The following FSIP2 variants were observed in gnomAD, a reference collection of about 807,000 sequenced individuals.
The protein encoded by FSIP2 is fibrous sheath interacting protein 2.
Under a neutral mutation model 510.5 loss-of-function variants are expected in FSIP2, and 367 were observed. The ratio of observed to expected loss-of-function variants is 0.72; its 90% confidence interval spans 0.66 to 0.78. FSIP2 has a LOEUF of 0.78. Among genes scored for constraint, FSIP2 ranks in the 30% least tolerant of loss-of-function variants. The probability of loss-of-function intolerance (pLI) is 0.00; values close to 1 mark genes in which losing one functional copy is unlikely to be tolerated. For missense variants in FSIP2, 7,594 were observed against 7,901.7 expected (o/e 0.96, Z 1.48); for synonymous variants, 2,601 against 2,732.2 (o/e 0.95, Z 1.50).
chr2:185,755,922 G>C (rs1692237540), intron 8 of FSIP2, among the ~76,000 whole-genome samples: 1 of 151,516 alleles, frequency 6.6e-6, no homozygotes, highest in Non-Finnish European at 1.5e-5. Flanking sequence ...AAAATGACAT[G>C]TTTCAGTTGA....
rs558134465 is a variant in FSIP2 at position 185,826,332 on chromosome 2, G to A, written c.20474-1824G>A. On this transcript the variant is annotated intron_variant, in intron 20 of 22. Transcript: ENST00000424728. ...CCTAACATCCTACTTCCTCTCTAAG[G>A]TACTCCTCTATTTCTTTCTGGCTCA... is the stretch of plus-strand genomic sequence containing the variant. Among the ~76,000 whole-genome samples the A allele has an allele frequency of 1.3e-4, 19 of 151,768 alleles. No individual in the cohort carries two copies. The South Asian group carries it at 2.5e-3, about 20-fold the overall frequency.
chr2:185,808,799 A>G lies in FSIP2; in HGVS notation c.19493A>G (p.Asn6498Ser), dbSNP rs749914487. 42 of 1,612,760 alleles carry G rather than the reference A, an allele frequency of 2.6e-5. No individual in the cohort carries two copies. The South Asian group carries it at 4.2e-4, about 16-fold the overall frequency. Reference protein sequence around the residue: ...IVQKAQEHAFNVIPELEQEKL... With the variant: ...IVQKAQEHAFSVIPELEQEKL... The stretch of plus-strand genomic sequence containing the variant: ...CAAAAGGCCCAAGAACATGCTTTTA[A>G]TGTGATTCCTGAATTAGAGCAAGAA... Residue 6498 changes from asparagine (N) to serine (S), a missense_variant, in exon 17 of 23, where the codon AAT (asparagine) becomes AGT (serine). Transcript: ENST00000424728.
At position 185,753,703 on chromosome 2, in the gene FSIP2, A is replaced by G; in HGVS notation, c.871-19A>G. 1 of 1,004,980 alleles carries G rather than the reference A, an allele frequency of 1.0e-6. No homozygotes were observed. Among genetic ancestry groups the G allele is most frequent in the Middle Eastern group, 2.3e-4 (1 of 4,308 alleles). 62.3% of individuals were successfully genotyped at this position (1,004,980 alleles called of 1,614,324 possible). A position where few individuals can be genotyped will look rare whatever the true frequency, so the allele number is the denominator to read the frequency against. On this transcript the variant is annotated intron_variant, in intron 7 of 22. Transcript: ENST00000424728. Reference sequence around the variant, plus strand: ...ATGGCAAGTTAATATTAACCAATATATTTTCTTTAATATTGTAGAAACAAG... The same window carrying G: ...ATGGCAAGTTAATATTAACCAATATGTTTTCTTTAATATTGTAGAAACAAG...
Position 185,796,137 on chromosome 2 carries a change from G to A in FSIP2, c.9001G>A (p.Glu3001Lys). 1.3e-6 allele frequency: 2 copies of A among 1,534,388 alleles called. No homozygotes were observed. Among genetic ancestry groups the A allele is most frequent in the South Asian group, 1.2e-5 (1 of 83,844 alleles). The stretch of plus-strand genomic sequence containing the variant: ...TGTAGAAACGGTTTTAAACATGTTA[G>A]AGTCATTTGTGGACTTGCAGTTTAA... Reference protein sequence around the residue: ...EIVETVLNMLESFVDLQFKHI... With the variant: ...EIVETVLNMLKSFVDLQFKHI... The change falls in exon 16 of 23, where the codon GAG (glutamate) becomes AAG (lysine). Residue 3001 changes from glutamate to lysine, a missense_variant. Glu to Lys is a moderately conservative substitution (Grantham distance 56). Transcript: ENST00000424728.
rs559971426 is a variant in FSIP2, at chr2:185,823,339, T to A, written c.20427-1095T>A. ...TAGTAAATAATTAATATTCAGAATA[T>A]GTAAATAATTCTTATGACTCAACAA... On this transcript the variant is annotated intron_variant, in intron 19 of 22. Coordinates refer to ENST00000424728, the MANE Select transcript of FSIP2 (RefSeq NM_173651.4). 4.6e-5 allele frequency among the ~76,000 whole-genome samples: 7 copies of A among 151,932 alleles called. No homozygotes were observed. In the East Asian group the frequency reaches 1.4e-3, roughly 30 times the overall value.
chr2:185,761,921 G>T, intron 10 of FSIP2, 51 bp from the exon 11 acceptor site: 1 of 956,128 alleles, frequency 1.0e-6, no homozygotes, highest in Non-Finnish European at 1.5e-6. Context: ...AATCTTTTTT[G>T]GAAGTACAGT....
At chr2:185,769,294 TC>T (rs1275793256) in intron 13 of FSIP2, among the ~76,000 whole-genome samples, 1 of 151,942 alleles carries the variant, frequency 6.6e-6, no homozygotes, top group African/African-American at 2.4e-5. Context: ...CTTGCCAGCA[TC>T]TATTATTTTC....
rs971046018 is a variant in FSIP2, at chr2:185,802,026, AATT to A, written c.12723_12725del (p.Ile4241del). ...AAAAAAGTATAGTAAGCCGAAGCCC[AATT>A]ATGATTGACCAAATAGCCAGCTTTA... On this transcript the variant is annotated inframe_deletion, in exon 17 of 23. Coordinates refer to ENST00000424728, the MANE Select transcript of FSIP2 (RefSeq NM_173651.4). 3 of 1,530,796 alleles carry A rather than the reference AATT, an allele frequency of 2.0e-6. No individual in the cohort carries two copies. The Admixed American group carries it at 6.0e-5, about 30-fold the overall frequency. The allele number at this position is 1,530,796 out of a possible 1,614,324, so 94.8% of individuals were successfully genotyped here.
At chr2:185,758,892 C>T (rs1035066827) in intron 9 of FSIP2, among the ~76,000 whole-genome samples, 3 of 151,006 alleles carry the variant, frequency 2.0e-5, no homozygotes, top group African/African-American at 7.3e-5. Flanking sequence ...TGAAATTTGG[C>T]GGTTTGAGTT....
intron 8 of FSIP2, among the ~76,000 whole-genome samples, chr2:185,754,159 T>G (rs1692198999): frequency 6.6e-6 from 1 of 150,760 alleles, no homozygotes; most frequent in Non-Finnish European, 1.5e-5. Flanking sequence ...TATACCAACA[T>G]GGTGTTCTAT....
At position 185,792,186 on chromosome 2, in the gene FSIP2, A is replaced by C. The variant is rs958563728; in HGVS notation, c.5050A>C (p.Lys1684Gln). The C allele has an allele frequency of 4.6e-6, 7 of 1,531,956 alleles. No homozygotes were observed. The Admixed American group carries it at 1.2e-4, about 26-fold the overall frequency. 94.9% of individuals were successfully genotyped at this position (1,531,956 alleles called of 1,614,324 possible). A position where few individuals can be genotyped will look rare whatever the true frequency, so the allele number is the denominator to read the frequency against. ...GACTCAAATACTTAAGTATGTAGTC[A>C]AGTTAATTTTAGATGCAGTATCTTC... ...PETQILKYVV[K>Q]LILDAVSSDM... is the part of the protein sequence containing the mutation. The change falls in exon 16 of 23, where the codon AAG becomes CAG. Residue 1684 changes from lysine to glutamine, a missense_variant. By Grantham distance (53) the Lys-to-Gln change is moderately conservative (BLOSUM62 1). Transcript: ENST00000424728.
At chr2:185,787,833 C>T (rs1237325687) in intron 15 of FSIP2, among the ~76,000 whole-genome samples, 1 of 151,576 alleles carries the variant, frequency 6.6e-6, no homozygotes. Context: ...CTCTTTGATT[C>T]CCAAATCTAG....
Position 185,801,857 on chromosome 2 carries a change from A to G in FSIP2, c.12551A>G (p.Lys4184Arg), listed in dbSNP as rs760519212. Residue 4184 changes from lysine (K) to arginine (R), a missense_variant, in exon 17 of 23, where the codon AAG becomes AGG. Lys to Arg is a conservative substitution (Grantham distance 26). Transcript: ENST00000424728. ...FNEMSTCIINKVMSAISKHKI... is the reference protein window; with the variant it reads ...FNEMSTCIINRVMSAISKHKI... Reference sequence around the variant, plus strand: ...GAAATGTCCACTTGTATAATAAATAAGGTTATGTCAGCCATTTCAAAACAT... The same window carrying G: ...GAAATGTCCACTTGTATAATAAATAGGGTTATGTCAGCCATTTCAAAACAT... The G allele has an allele frequency of 8.8e-6, 13 of 1,482,730 alleles. No individual in the cohort carries two copies. Among genetic ancestry groups the G allele is most frequent in the African/African-American group, 1.4e-5 (1 of 70,436 alleles). The allele number at this position is 1,482,730 out of a possible 1,614,324, so 91.8% of individuals were successfully genotyped here. A position where few individuals can be genotyped will look rare whatever the true frequency, so the allele number is the denominator to read the frequency against.
At chr2:185,762,049 T>A in intron 11 of FSIP2, 32 bp downstream of exon 11, 1 of 1,022,158 alleles carries the variant, frequency 9.8e-7, no homozygotes, top group Non-Finnish European at 1.4e-6. Flanking sequence ...ATAATTTTTC[T>A]GTTATTAGGC....
chr2:185,738,624 A>G, upstream of FSIP2: 1 of 1,535,998 alleles, frequency 6.5e-7, no homozygotes, highest in Non-Finnish European at 8.7e-7. Context: ...GGTTTCAGAG[A>G]AAGATGAAGT....
At chr2:185,810,537 CTTTTT>C (rs11298474) in intron 17 of FSIP2, among the ~76,000 whole-genome samples, 5 of 107,036 alleles carry the variant, frequency 4.7e-5, no homozygotes, top group East Asian at 2.8e-4. Flanking sequence ...AGTTAAACCT[CTTTTT>C]TTTTTTTTTT....
chr2:185,806,239 T>C lies in FSIP2; in HGVS notation c.16933T>C (p.Leu5645=). 1 of 1,610,056 alleles carries C rather than the reference T, an allele frequency of 6.2e-7. No homozygotes were observed. The highest frequency in any genetic ancestry group is 2.2e-5 in the East Asian group (1 of 44,688). ...KRNLGTTTDT[L]EIRIRTSSNE... ...AAATCTAGGGACTACAACAGATACT[T>C]TGGAAATAAGAATTCGAACATCAAG... is the stretch of plus-strand genomic sequence containing the variant. Residue 5645 remains leucine, a synonymous_variant, in exon 17 of 23, where the codon TTG becomes CTG. Coordinates refer to ENST00000424728, the MANE Select transcript of FSIP2 (RefSeq NM_173651.4).
chr2:185,800,446 G>A lies in FSIP2; in HGVS notation c.11140G>A (p.Asp3714Asn). 6.5e-7 allele frequency: 1 copy of A among 1,531,600 alleles called. No individual in the cohort carries two copies. The highest frequency in any genetic ancestry group is 8.7e-7 in the Non-Finnish European group (1 of 1,144,454). The allele number at this position is 1,531,600 out of a possible 1,614,324, so 94.9% of individuals were successfully genotyped here. Residue 3714 changes from aspartate to asparagine, a missense_variant, in exon 17 of 23, where the codon GAT becomes AAT. Transcript: ENST00000424728. ...TTTATTTTCACCAGATGAATGCCTA[G>A]ATACGGGTATGGATTCTGGTAAAAT... ...SDLFSPDECL[D>N]TGMDSGKIQR...
intron 11 of FSIP2, among the ~76,000 whole-genome samples, chr2:185,762,784 T>C (rs1002009779): frequency 2.6e-5 from 4 of 151,542 alleles, no homozygotes; most frequent in Non-Finnish European, 5.9e-5. Context: ...TAACCCACTA[T>C]ACATTTTTCT....
Sources: gnomAD v4.1 joint callset for allele counts (sites outside exome capture counted in the v4.1 genomes callset) on GRCh38, gnomAD v4.1.1 for gene constraint, MANE v1.5 for transcripts, NCBI Gene and HGNC (gene_info 2026-07-23, HGNC 2026-07-21) for gene names.